The following TMCO1 variants were observed in gnomAD, a reference collection of about 807,000 sequenced individuals.
The protein encoded by TMCO1 is calcium load-activated calcium channel.
In TMCO1, 29 loss-of-function variants were observed where a neutral mutation model predicts 29.3. The ratio of observed to expected loss-of-function variants is 0.99; its 90% CI spans 0.74 to 1.35. The LOEUF (loss-of-function observed/expected upper bound fraction) is 1.35. TMCO1 is among the 40% of genes most tolerant of loss of function. The pLI is 0.00. For synonymous variants in TMCO1, 80 were observed against 77.1 expected (o/e 1.04, Z -0.20); for missense variants, 173 against 225.5 (o/e 0.77, Z 1.49).
In TMCO1 at chr1:165,756,853, T is replaced by C. The variant is rs551965314; in HGVS notation, c.209-2579A>G. Among the ~76,000 whole-genome samples, 92 of 150,674 alleles carry C rather than the reference T, an allele frequency of 6.1e-4. 1 individual carries two copies. In the South Asian group the frequency reaches 0.017, roughly 29 times the overall value. ...CAAATATATACTATATATACAAATA[T>C]AGTATATATTTGTAAATAAGCTCAA... is the stretch of plus-strand genomic sequence containing the variant. On this transcript the variant is annotated intron_variant, in intron 3 of 6. Transcript: ENST00000367881.
rs181355501 is a variant in TMCO1 at position 165,753,394 on chromosome 1, G to A, written c.255+834C>T. Among the ~76,000 whole-genome samples, 34 of 140,520 alleles carry A rather than the reference G, an allele frequency of 2.4e-4. No homozygotes were observed. The East Asian group carries it at 3.8e-3, about 16-fold the overall frequency. The allele number at this position is 140,520 out of a possible 152,430, so 92.2% of individuals were successfully genotyped here. A position where few individuals can be genotyped will look rare whatever the true frequency, so the allele number is the denominator to read the frequency against. ...AGGCTGAGGTAGGAGGAGCGCACAA[G>A]CCCAGGTGGCAGAGTTTGCAGTCAG... On this transcript the variant is annotated intron_variant, in intron 4 of 6. Transcript: ENST00000367881.
intron 4 of TMCO1, among the ~76,000 whole-genome samples, chr1:165,752,381 G>A (rs1030776181): frequency 2.0e-5 from 3 of 148,066 alleles, no homozygotes; most frequent in African/African-American, 5.0e-5. Flanking sequence ...TCAGCCTCCC[G>A]AGTAGCTGGG....
chr1:165,737,880 A>G (rs941581449), intron 6 of TMCO1, among the ~76,000 whole-genome samples: 5 of 152,214 alleles, frequency 3.3e-5, no homozygotes, highest in African/African-American at 1.2e-4. Context: ...ATGCTATACC[A>G]TGAGGTGAAG....
At chr1:165,744,812 A>AAAAC (rs1203138388) in intron 5 of TMCO1, among the ~76,000 whole-genome samples, 1 of 138,594 alleles carries the variant, frequency 7.2e-6, no homozygotes, top group African/African-American at 2.7e-5. Flanking sequence ...AAAAAAAAAA[A>AAAAC]TTTCAATTCT....
chr1:165,748,930 G>A (rs181872923), intron 5 of TMCO1, among the ~76,000 whole-genome samples: 16 of 152,166 alleles, frequency 1.1e-4, no homozygotes, highest in Admixed American at 3.3e-4. Flanking sequence ...AGCAGGAATC[G>A]TACAGTATAC....
At chr1:165,725,976 T>A, downstream of TMCO1, 2 of 676,926 alleles carry the variant, frequency 3.0e-6, no homozygotes, top group Admixed American at 2.0e-5. Context: ...AATTTGTATA[T>A]GAAAACCTGG....
chr1:165,748,749 T>C (rs759071728), intron 5 of TMCO1, among the ~76,000 whole-genome samples: 13 of 152,182 alleles, frequency 8.5e-5, no homozygotes, highest in Non-Finnish European at 1.3e-4. Context: ...GTACATTCTA[T>C]GGGTTTGGAC....
intron 4 of TMCO1, among the ~76,000 whole-genome samples, chr1:165,752,380 C>T (rs1364703864): frequency 1.3e-5 from 2 of 151,074 alleles, no homozygotes; most frequent in Admixed American, 6.6e-5. Flanking sequence ...CTCAGCCTCC[C>T]GAGTAGCTGG....
At chr1:165,734,807 GTTTTTTGTTT>G (rs902690504) in intron 6 of TMCO1, among the ~76,000 whole-genome samples, 3 of 151,944 alleles carry the variant, frequency 2.0e-5, no homozygotes, top group African/African-American at 7.2e-5. Flanking sequence ...TCGGCCCATC[GTTTTTTGTTT>G]TGTTTTGTTT....
In TMCO1 at chr1:165,754,237, A is replaced by T; in HGVS notation, c.246T>A (p.Asp82Glu). The change falls in exon 4 of 7, where the codon GAT becomes GAA. Residue 82 changes from aspartate (D) to glutamate (E), a missense_variant. Transcript: ENST00000367881. ...TAGTTAGGTCTCTTACCATTGATAGATCTCTGTTGTTATTCTTCAGTTTCT... is the reference window on the plus strand; with the variant it reads ...TAGTTAGGTCTCTTACCATTGATAGTTCTCTGTTGTTATTCTTCAGTTTCT... ...QEEKLKNNNR[D>E]LSMVRMKSMF... The T allele has an allele frequency of 6.2e-7, 1 of 1,611,036 alleles. No individual in the cohort carries two copies. The highest frequency in any genetic ancestry group is 8.5e-7 in the Non-Finnish European group (1 of 1,177,522).
downstream of TMCO1, chr1:165,725,933 C>T (rs1359729749): frequency 1.6e-6 from 1 of 645,030 alleles, no homozygotes; most frequent in South Asian, 1.5e-5. Context: ...TTTTTAACTT[C>T]TCCCTCTTAT....
intron 5 of TMCO1, among the ~76,000 whole-genome samples, chr1:165,747,836 T>G (rs948559033): frequency 6.6e-6 from 1 of 152,080 alleles, no homozygotes; most frequent in Non-Finnish European, 1.5e-5. Context: ...AAATAAAGAT[T>G]AGAATTCTTA....
intron 5 of TMCO1, among the ~76,000 whole-genome samples, chr1:165,748,531 C>A (rs770626148): frequency 1.3e-5 from 2 of 152,010 alleles, no homozygotes; most frequent in African/African-American, 2.4e-5. Flanking sequence ...CAGTACATAT[C>A]ATTAAATTTG....
At chr1:165,732,674 A>G (rs899388442) in intron 6 of TMCO1, among the ~76,000 whole-genome samples, 1 of 152,038 alleles carries the variant, frequency 6.6e-6, no homozygotes, top group Admixed American at 6.6e-5. Flanking sequence ...TCTGGTGGAG[A>G]AAGTTGATAG....
At chr1:165,763,151 T>C (rs754161704) in intron 2 of TMCO1, among the ~76,000 whole-genome samples, 10 of 152,188 alleles carry the variant, frequency 6.6e-5, no homozygotes, top group Non-Finnish European at 1.5e-4. Flanking sequence ...TCTTTATATT[T>C]TTGATATTCT....
chr1:165,741,903 T>A (rs1260880856), intron 6 of TMCO1, among the ~76,000 whole-genome samples: 1 of 152,244 alleles, frequency 6.6e-6, no homozygotes, highest in Non-Finnish European at 1.5e-5. Flanking sequence ...ATTCTAAGTT[T>A]CCTGAGGACT....
Position 165,752,167 on chromosome 1 carries a change from A to C in TMCO1, c.258T>G (p.Val86=). ...LKNNNRDLSM[V]RMKSMFAIGF... ...CAATAGCAAACATGGATTTCATTCGAACCTGTAATGAGACGAACAAATTGT... is the reference window on the plus strand; with the variant it reads ...CAATAGCAAACATGGATTTCATTCGCACCTGTAATGAGACGAACAAATTGT... The change falls in exon 5 of 7, where the codon GTT becomes GTG. Residue 86 remains valine, a splice_region_variant and synonymous_variant. Coordinates refer to ENST00000367881, the MANE Select transcript of TMCO1 (RefSeq NM_019026.6). 6.2e-7 allele frequency: 1 copy of C among 1,613,074 alleles called. No homozygotes were observed. Among genetic ancestry groups the C allele is most frequent in the Non-Finnish European group, 8.5e-7 (1 of 1,179,182 alleles).
intron 5 of TMCO1, among the ~76,000 whole-genome samples, chr1:165,750,132 A>G: frequency 6.6e-6 from 1 of 152,206 alleles, no homozygotes; most frequent in East Asian, 1.9e-4. Flanking sequence ...AACAATATAT[A>G]CCAAAGTTTA....
At chr1:165,766,041 A>C (rs1652551942) in intron 2 of TMCO1, among the ~76,000 whole-genome samples, 1 of 152,156 alleles carries the variant, frequency 6.6e-6, no homozygotes, top group South Asian at 2.1e-4. Context: ...TGGATATCGG[A>C]AGCTTTCTGA....
Sources: allele counts gnomAD v4.1 joint callset (sites outside exome capture counted in the v4.1 genomes callset), GRCh38; gene constraint gnomAD v4.1.1; transcripts MANE v1.5; gene names NCBI Gene and HGNC (gene_info 2026-07-23, HGNC 2026-07-21).